Variants in LRMDA observed in about 807,000 individuals in gnomAD.
The protein encoded by LRMDA is leucine rich melanocyte differentiation associated.
Under a neutral mutation model 29.8 loss-of-function variants are expected in LRMDA, and 18 were observed. That is an observed-to-expected ratio of 0.60 (90% CI 0.42 to 0.90). The LOEUF is 0.90. LRMDA is among the 40% of genes least tolerant of loss of function. LRMDA has a pLI of 0.00. For missense variants in LRMDA, 273 were observed against 273.9 expected, an observed-to-expected ratio of 1.00 and a Z score of 0.02; for synonymous variants, 125 against 109.4, an observed-to-expected ratio of 1.14 and a Z score of -0.89.
intron 2 of LRMDA, among the ~76,000 whole-genome samples, chr10:75,691,167 G>C (rs12248280): frequency 1.5e-5 from 1 of 66,088 alleles, no homozygotes. Flanking sequence ...TAGATATATA[G>C]ATCTATATAT....
intron 5 of LRMDA, among the ~76,000 whole-genome samples, chr10:76,148,253 CT>C (rs1206166375): frequency 2.6e-5 from 4 of 152,220 alleles, no homozygotes; most frequent in Admixed American, 1.3e-4. Flanking sequence ...TTACTGCTAT[CT>C]TTTTGTTTGT....
chr10:76,323,349 C>T lies in LRMDA; in HGVS notation c.517-1052C>T, dbSNP rs187379756. ...ATAGGTAATCTCTTTGGAGAAAAGG[C>T]CTGCTTTTAGAAGGGCAAATATATC... On this transcript the variant is annotated intron_variant, in intron 5 of 6. Coordinates refer to ENST00000611255, the MANE Select transcript of LRMDA (RefSeq NM_001305581.2). 5.9e-5 allele frequency among the ~76,000 whole-genome samples: 9 copies of T among 152,182 alleles called. No homozygotes were observed. The East Asian group carries it at 1.7e-3, about 29-fold the overall frequency.
intron 2 of LRMDA, among the ~76,000 whole-genome samples, chr10:75,961,893 G>A (rs1413690006): frequency 1.3e-5 from 2 of 152,100 alleles, no homozygotes; most frequent in African/African-American, 2.4e-5. Flanking sequence ...TCTGTTCCAG[G>A]TCTCTCTCCT....
intron 2 of LRMDA, among the ~76,000 whole-genome samples, chr10:75,588,967 G>A (rs950754045): frequency 1.3e-5 from 2 of 152,104 alleles, no homozygotes; most frequent in Non-Finnish European, 2.9e-5. Flanking sequence ...GGTATATAGT[G>A]TTACATTTTA....
chr10:76,064,036 G>A (rs2132060791), intron 5 of LRMDA, among the ~76,000 whole-genome samples: 1 of 152,294 alleles, frequency 6.6e-6, no homozygotes, highest in South Asian at 2.1e-4. Context: ...AATGAACCAT[G>A]AACAGCAGAG....
intron 5 of LRMDA, among the ~76,000 whole-genome samples, chr10:76,269,167 C>T (rs996768668): frequency 2.0e-5 from 3 of 152,056 alleles, no homozygotes; most frequent in Non-Finnish European, 2.9e-5. Flanking sequence ...GAGAGTGCTT[C>T]CCAGCCCCAG....
intron 2 of LRMDA, among the ~76,000 whole-genome samples, chr10:75,923,024 A>G (rs1846052443): frequency 6.6e-6 from 1 of 152,208 alleles, no homozygotes; most frequent in Non-Finnish European, 1.5e-5. Flanking sequence ...ATGGGGGCCC[A>G]GAGAGGTTAA....
At chr10:76,387,420 G>A (rs1841671955) in intron 6 of LRMDA, among the ~76,000 whole-genome samples, 1 of 151,992 alleles carries the variant, frequency 6.6e-6, no homozygotes, top group Non-Finnish European at 1.5e-5. Context: ...GGGCAATATG[G>A]CAAAACCCTG....
At chr10:76,314,544 T>C (rs1178558112) in intron 5 of LRMDA, among the ~76,000 whole-genome samples, 3 of 152,148 alleles carry the variant, frequency 2.0e-5, no homozygotes, top group South Asian at 2.1e-4. Context: ...CACTGAAGAG[T>C]TGGAAAGTGA....
intron 5 of LRMDA, among the ~76,000 whole-genome samples, chr10:76,094,835 C>G (rs1849289464): frequency 6.6e-6 from 1 of 152,152 alleles, no homozygotes; most frequent in Non-Finnish European, 1.5e-5. Context: ...TAACCACCCC[C>G]CAGTGCCCGC....
At chr10:76,233,984 T>C (rs1179344846) in intron 5 of LRMDA, among the ~76,000 whole-genome samples, 1 of 152,262 alleles carries the variant, frequency 6.6e-6, no homozygotes, top group Non-Finnish European at 1.5e-5. Flanking sequence ...ACAAATGTTC[T>C]TAGTAACATC....
chr10:76,065,033 CTG>C (rs896284563), intron 5 of LRMDA, among the ~76,000 whole-genome samples: 6 of 151,884 alleles, frequency 4.0e-5, no homozygotes, highest in African/African-American at 1.5e-4. Context: ...TTTTAATTAA[CTG>C]TTTTTTTTAA....
chr10:75,574,488 C>T (rs909300637), intron 2 of LRMDA, among the ~76,000 whole-genome samples: 1 of 152,188 alleles, frequency 6.6e-6, no homozygotes, highest in Non-Finnish European at 1.5e-5. Context: ...TTTCTGAACC[C>T]ATGGCCACTA....
intron 2 of LRMDA, among the ~76,000 whole-genome samples, chr10:75,477,817 AC>A (rs1844813730): frequency 6.6e-6 from 1 of 152,226 alleles, no homozygotes; most frequent in African/African-American, 2.4e-5. Flanking sequence ...GGACTGTGTC[AC>A]CCAGGCACTG....
intron 2 of LRMDA, among the ~76,000 whole-genome samples, chr10:75,468,000 A>ACACACACAC (rs1844676676): frequency 1.3e-5 from 2 of 150,746 alleles, no homozygotes; most frequent in African/African-American, 4.9e-5. Context: ...ACACACACAC[A>ACACACACAC]AAGTCGCAAA....
At chr10:75,676,346 C>T (rs1841959660) in intron 2 of LRMDA, among the ~76,000 whole-genome samples, 1 of 152,216 alleles carries the variant, frequency 6.6e-6, no homozygotes, top group African/African-American at 2.4e-5. Flanking sequence ...GGATGTGTGT[C>T]TTAAACTAAA....
At chr10:75,786,855 C>A (rs911600250) in intron 2 of LRMDA, among the ~76,000 whole-genome samples, 1 of 152,194 alleles carries the variant, frequency 6.6e-6, no homozygotes, top group Non-Finnish European at 1.5e-5. Context: ...TACTTTTGGG[C>A]ACACAAGTTG....
At chr10:76,550,793 T>C (rs926011130) in intron 6 of LRMDA, among the ~76,000 whole-genome samples, 4 of 152,172 alleles carry the variant, frequency 2.6e-5, no homozygotes, top group African/African-American at 4.8e-5. Context: ...CCTCAAAAAC[T>C]GCTTCCACAC....
intron 6 of LRMDA, among the ~76,000 whole-genome samples, chr10:76,332,128 T>C (rs1283514025): frequency 5.9e-5 from 9 of 152,168 alleles, no homozygotes; most frequent in African/African-American, 2.2e-4. Flanking sequence ...CTGGGTGGAT[T>C]GGAATGGAGG....
Sources: gnomAD v4.1 joint callset for allele counts (sites outside exome capture counted in the v4.1 genomes callset) on GRCh38, gnomAD v4.1.1 for gene constraint, MANE v1.5 for transcripts, NCBI Gene and HGNC (gene_info 2026-07-23, HGNC 2026-07-21) for gene names.